NTRK2: variants seen among roughly 807,000 people sequenced by gnomAD.
NTRK2 encodes the protein neurotrophic receptor tyrosine kinase 2.
A neutral mutation model predicts 94.5 loss-of-function variants in NTRK2; 13 were observed. The ratio of observed to expected loss-of-function variants is 0.14; its 90% confidence interval spans 0.09 to 0.22. The LOEUF is 0.22. Among genes scored for constraint, NTRK2 ranks in the 10% least tolerant of loss-of-function variants. The pLI, the probability that NTRK2 is intolerant of heterozygous loss-of-function variation, is 1.00. For synonymous variants in NTRK2, 372 were observed against 407.4 expected (o/e 0.91, Z 1.05); for missense variants, 639 against 1,071.2 (o/e 0.60, Z 5.63).
At chr9:84,761,367 T>A (rs1009693484) in intron 12 of NTRK2, among the ~76,000 whole-genome samples, 1 of 152,136 alleles carries the variant, frequency 6.6e-6, no homozygotes, top group East Asian at 1.9e-4. Flanking sequence ...ATGGTTGTGG[T>A]TGTCAACTTT....
At chr9:84,795,028 T>C (rs2069144040) in intron 12 of NTRK2, among the ~76,000 whole-genome samples, 1 of 152,146 alleles carries the variant, frequency 6.6e-6, no homozygotes. Flanking sequence ...AATTAATGTC[T>C]ACCTTGAGCT....
At chr9:84,992,646 C>G (rs987295823) in intron 17 of NTRK2, among the ~76,000 whole-genome samples, 2 of 151,970 alleles carry the variant, frequency 1.3e-5, no homozygotes, top group African/African-American at 4.8e-5. Flanking sequence ...CACTCCCTGC[C>G]CAGCCCACTC....
chr9:84,771,341 A>G (rs1188707086), intron 12 of NTRK2, among the ~76,000 whole-genome samples: 1 of 152,208 alleles, frequency 6.6e-6, no homozygotes, highest in Non-Finnish European at 1.5e-5. Context: ...CGGCCCTGAA[A>G]TGGACCACAG....
intron 12 of NTRK2, among the ~76,000 whole-genome samples, chr9:84,833,955 A>G (rs1371910600): frequency 6.6e-6 from 1 of 152,098 alleles, no homozygotes; most frequent in Non-Finnish European, 1.5e-5. Flanking sequence ...CCGGGTGAGG[A>G]TGGGCACAGA....
intron 14 of NTRK2, among the ~76,000 whole-genome samples, chr9:84,882,715 T>TGCGCGC (rs1358164079): frequency 2.8e-5 from 4 of 144,232 alleles, no homozygotes; most frequent in African/African-American, 8.1e-5. Flanking sequence ...TGTGTGTGTG[T>TGCGCGC]GTGTGCGCGC....
chr9:84,799,074 A>G (rs755299838), intron 12 of NTRK2, among the ~76,000 whole-genome samples: 2 of 151,944 alleles, frequency 1.3e-5, no homozygotes, highest in African/African-American at 2.4e-5. Context: ...CCATTCTTTC[A>G]ACCACTCTTC....
chr9:84,802,351 A>G (rs1263352099), intron 12 of NTRK2, among the ~76,000 whole-genome samples: 2 of 152,208 alleles, frequency 1.3e-5, no homozygotes, highest in East Asian at 1.9e-4. Context: ...GGTTTTCCTC[A>G]TATATAAATT....
chr9:84,954,646 C>T (rs1260494259), intron 16 of NTRK2, among the ~76,000 whole-genome samples: 1 of 152,162 alleles, frequency 6.6e-6, no homozygotes, highest in African/African-American at 2.4e-5. Context: ...TGAGAATGCC[C>T]TGGGACTCTG....
In NTRK2 at chr9:84,714,397, G is replaced by A. The variant is rs552719633; in HGVS notation, c.583+3606G>A. On this transcript the variant is annotated intron_variant, in intron 6 of 18. Coordinates refer to ENST00000277120, the MANE Select transcript of NTRK2 (RefSeq NM_006180.6). ...CATTAATCCTCTTCTGCTTTCTCTCGCTTAGGAGTTCTTTATAGTTTCTTC... is the reference window on the plus strand; with the variant it reads ...CATTAATCCTCTTCTGCTTTCTCTCACTTAGGAGTTCTTTATAGTTTCTTC... Among the ~76,000 whole-genome samples the A allele has an allele frequency of 3.9e-5, 6 of 152,196 alleles. No homozygotes were observed. In the South Asian group the frequency reaches 1.0e-3, roughly 26 times the overall value.
upstream of NTRK2, among the ~76,000 whole-genome samples, chr9:84,669,141 C>T (rs2058542777): frequency 6.6e-6 from 1 of 152,124 alleles, no homozygotes; most frequent in South Asian, 2.1e-4. This position sits in a 1 kb window ranked among gnomAD's most constrained non-coding sequence, Gnocchi z 4.1. Flanking sequence ...GGAATGGGGG[C>T]GGTGATCCTT....
At chr9:84,804,834 A>T (rs925492081) in intron 12 of NTRK2, among the ~76,000 whole-genome samples, 1 of 152,166 alleles carries the variant, frequency 6.6e-6, no homozygotes, top group African/African-American at 2.4e-5. Context: ...TAGATTTTTC[A>T]ATATATGTTT....
intron 18 of NTRK2, 100 bp downstream of exon 18, chr9:85,020,464 C>G (rs545020540): frequency 4.1e-5 from 51 of 1,236,970 alleles, no homozygotes; most frequent in Non-Finnish European, 5.9e-5. Context: ...TGTCAGGACA[C>G]GATCTTATGG....
intron 12 of NTRK2, among the ~76,000 whole-genome samples, chr9:84,782,053 C>T (rs2067633151): frequency 6.6e-6 from 1 of 151,648 alleles, no homozygotes; most frequent in Non-Finnish European, 1.5e-5. Context: ...CACACACACA[C>T]ACACACACAC....
intron 12 of NTRK2, among the ~76,000 whole-genome samples, chr9:84,844,649 T>TCACACA (rs10562034): frequency 0.014 from 1,988 of 140,856 alleles, 45 homozygotes; most frequent in African/African-American, 0.045. Flanking sequence ...AATACCTCAC[T>TCACACA]CACACACACA....
chr9:84,674,806 C>T (rs1036912760), intron 2 of NTRK2, among the ~76,000 whole-genome samples: 8 of 152,150 alleles, frequency 5.3e-5, no homozygotes, highest in African/African-American at 1.9e-4. Context: ...TCAATCTCTG[C>T]AATATGGACA....
At chr9:84,972,393 G>T (rs1826289375) in intron 17 of NTRK2, among the ~76,000 whole-genome samples, 1 of 152,178 alleles carries the variant, frequency 6.6e-6, no homozygotes, top group African/African-American at 2.4e-5. Flanking sequence ...TGCAGAAAGG[G>T]CTCCAGTGTT....
At chr9:84,768,667 A>G (rs1442579938) in intron 12 of NTRK2, among the ~76,000 whole-genome samples, 4 of 152,116 alleles carry the variant, frequency 2.6e-5, no homozygotes, top group Non-Finnish European at 5.9e-5. Context: ...GTATCTGGTT[A>G]TTCAGTGTTT....
intron 12 of NTRK2, among the ~76,000 whole-genome samples, chr9:84,836,936 A>ATAATG (rs2073907041): frequency 2.0e-5 from 1 of 49,182 alleles, no homozygotes; most frequent in South Asian, 4.7e-4. Context: ...GTCGTAGAGT[A>ATAATG]TAATATAATA....
chr9:84,963,252 A>G (rs1263431226), intron 17 of NTRK2, among the ~76,000 whole-genome samples: 1 of 152,236 alleles, frequency 6.6e-6, no homozygotes, highest in African/African-American at 2.4e-5. Context: ...GGTCAAGACT[A>G]AGGGCTGAGC....
Sources: gnomAD v4.1 joint callset for allele counts (sites outside exome capture counted in the v4.1 genomes callset) on GRCh38, gnomAD v4.1.1 for gene constraint, Gnocchi (gnomAD v3.1) non-coding constraint, MANE v1.5 for transcripts, NCBI Gene and HGNC (gene_info 2026-07-23, HGNC 2026-07-21) for gene names.